PLXNA4: variants seen among roughly 807,000 people sequenced by gnomAD.
The protein encoded by PLXNA4 is plexin-A4.
PLXNA4 carries 44 observed loss-of-function variants against 191.8 expected under a neutral mutation model. The observed-to-expected ratio is 0.23, with a 90% confidence interval of 0.18 to 0.29. The LOEUF (loss-of-function observed/expected upper bound fraction) is 0.29, where lower values mean the gene tolerates loss of function less well. Ranked by LOEUF, PLXNA4 falls within the 10% of genes least tolerant of loss-of-function variation. The pLI, the probability that PLXNA4 is intolerant of heterozygous loss-of-function variation, is 1.00. For synonymous variants in PLXNA4, 1,082 were observed against 1,009.5 expected, an observed-to-expected ratio of 1.07 and a Z score of -1.36; for missense variants, 1,800 against 2,488.8, an observed-to-expected ratio of 0.72 and a Z score of 5.89.
At chr7:132,256,927 A>T (rs181805063) in intron 4 of PLXNA4, among the ~76,000 whole-genome samples, 3 of 152,330 alleles carry the variant, frequency 2.0e-5, no homozygotes, top group Admixed American at 2.0e-4. Flanking sequence ...ACAGCTGTAC[A>T]TGGCTTCCCC....
At chr7:132,588,366 A>C (rs1802540516) in intron 2 of PLXNA4, among the ~76,000 whole-genome samples, 1 of 152,048 alleles carries the variant, frequency 6.6e-6, no homozygotes, top group South Asian at 2.1e-4. Context: ...TCTGTGAAAG[A>C]ATGTGTGCTG....
At chr7:132,482,298 GC>G (rs1797371890) in intron 3 of PLXNA4, among the ~76,000 whole-genome samples, 1 of 152,130 alleles carries the variant, frequency 6.6e-6, no homozygotes. Context: ...CCTCTTTCTC[GC>G]CCCCATCTCT....
chr7:132,642,552 G>A (rs1450889202), intron 2 of PLXNA4, among the ~76,000 whole-genome samples: 1 of 151,980 alleles, frequency 6.6e-6, no homozygotes, highest in Non-Finnish European at 1.5e-5. Context: ...AAACTAGGGA[G>A]GAGGCAGACA....
Position 132,508,541 on chromosome 7 carries a change from G to C in PLXNA4, c.153C>G (p.Phe51Leu). 6.2e-7 allele frequency: 1 copy of C among 1,614,200 alleles called. No homozygotes were observed. Among genetic ancestry groups the C allele is most frequent in the Non-Finnish European group, 8.5e-7 (1 of 1,180,030 alleles). ...VTFRGEPAEG[F>L]NHLVVDERTG... Reference sequence around the variant, plus strand: ...TCCTCTCATCCACCACCAGGTGATTGAAACCCTCGGCGGGCTCTCCTCGGA... The same window carrying C: ...TCCTCTCATCCACCACCAGGTGATTCAAACCCTCGGCGGGCTCTCCTCGGA... The change falls in exon 2 of 32, where the codon TTC (phenylalanine) becomes TTG (leucine). Residue 51 changes from phenylalanine to leucine, a missense_variant. Phe to Leu is a conservative substitution (Grantham distance 22, BLOSUM62 0). Around this residue, in one of 6 missense-constraint regions of PLXNA4, gnomAD observed 1,397 missense variants for 1,880.4 expected, o/e 0.74. Coordinates refer to ENST00000321063, the MANE Select transcript of PLXNA4 (RefSeq NM_020911.2). This position sits in a 1 kb window ranked among gnomAD's most constrained non-coding sequence, Gnocchi z 4.4.
chr7:132,224,619 A>G (rs1584867794), intron 8 of PLXNA4, among the ~76,000 whole-genome samples: 1 of 152,166 alleles, frequency 6.6e-6, no homozygotes, highest in Non-Finnish European at 1.5e-5. Context: ...TTATGGGCTT[A>G]ATGAAAGCTT....
intron 2 of PLXNA4, among the ~76,000 whole-genome samples, chr7:132,641,071 T>C (rs539646831): frequency 6.6e-6 from 1 of 152,356 alleles, no homozygotes; most frequent in African/African-American, 2.4e-5. Context: ...CAAGACTTTC[T>C]TCCAAGTTCT....
At chr7:132,394,821 T>A (rs1793681205) in intron 3 of PLXNA4, among the ~76,000 whole-genome samples, 1 of 152,204 alleles carries the variant, frequency 6.6e-6, no homozygotes, top group South Asian at 2.1e-4. Context: ...GCATGTGCAG[T>A]CCTGCTCTGA....
chr7:132,188,596 G>A (rs2116783368), intron 14 of PLXNA4, among the ~76,000 whole-genome samples: 1 of 152,234 alleles, frequency 6.6e-6, no homozygotes, highest in Non-Finnish European at 1.5e-5. Flanking sequence ...GAGACACGCA[G>A]ACCACAGCTC....
intron 4 of PLXNA4, among the ~76,000 whole-genome samples, chr7:132,242,004 C>A (rs752789063): frequency 3.0e-4 from 46 of 152,156 alleles, no homozygotes; most frequent in Admixed American, 1.4e-3. Context: ...TGTAGCTTTG[C>A]CTTGATGTCT....
chr7:132,370,107 C>T (rs1222862544), intron 3 of PLXNA4, among the ~76,000 whole-genome samples: 2 of 151,234 alleles, frequency 1.3e-5, no homozygotes, highest in Non-Finnish European at 2.9e-5. Context: ...TGGTCCCTGA[C>T]AGCAGGTTTG....
intron 1 of PLXNA4, among the ~76,000 whole-genome samples, chr7:132,542,514 C>T (rs1359054148): frequency 2.6e-5 from 4 of 152,228 alleles, no homozygotes; most frequent in Non-Finnish European, 5.9e-5. Flanking sequence ...TTAGAGTTTA[C>T]AGACCTTCTT....
intron 3 of PLXNA4, among the ~76,000 whole-genome samples, chr7:132,366,877 T>A (rs1804208945): frequency 6.6e-6 from 1 of 152,174 alleles, no homozygotes; most frequent in African/African-American, 2.4e-5. Context: ...TCCTCCCACC[T>A]CAGCCTCCTG....
intron 1 of PLXNA4, among the ~76,000 whole-genome samples, chr7:132,562,759 C>T (rs2116673154): frequency 7.7e-6 from 1 of 130,604 alleles, no homozygotes; most frequent in African/African-American, 3.2e-5. Flanking sequence ...TTCTCCTCCT[C>T]CTCCTTCTCC....
chr7:132,208,873 G>C lies in PLXNA4; in HGVS notation c.2298+2070C>G, dbSNP rs574575091. Among the ~76,000 whole-genome samples, 12 of 152,336 alleles carry C rather than the reference G, an allele frequency of 7.9e-5. No individual in the cohort carries two copies. In the East Asian group the frequency reaches 2.1e-3, roughly 27 times the overall value. ...GCACCCACCTGCCTGGTGCTGCGGA[G>C]ACCCTGTTTGTGCTCTTGTTCCCAG... is the stretch of plus-strand genomic sequence containing the variant. On this transcript the variant is annotated intron_variant, in intron 10 of 31. Transcript: ENST00000321063.
At chr7:132,639,053 C>T (rs12707051) in intron 2 of PLXNA4, among the ~76,000 whole-genome samples, 2,761 of 152,282 alleles carry the variant, frequency 0.018, 49 homozygotes, top group Middle Eastern at 0.034. Flanking sequence ...CCCAGAGCAG[C>T]AACTCTGCAG....
chr7:132,378,506 T>C (rs1263724306), intron 3 of PLXNA4, among the ~76,000 whole-genome samples: 1 of 152,158 alleles, frequency 6.6e-6, no homozygotes, highest in Non-Finnish European at 1.5e-5. Context: ...TAGCATGTCA[T>C]AGTTCTGAGG....
At position 132,124,781 on chromosome 7, in the gene PLXNA4, C is replaced by G. The variant is rs753671738; in HGVS notation, c.*5698G>C. The G allele has an allele frequency of 6.6e-6, 1 of 152,208 alleles. No homozygotes were observed. Among genetic ancestry groups the G allele is most frequent in the Non-Finnish European group, 1.5e-5 (1 of 68,042 alleles). 9.4% of individuals were successfully genotyped at this position (152,208 alleles called of 1,614,324 possible). On this transcript the variant is annotated 3_prime_UTR_variant, in exon 32 of 32. Transcript: ENST00000321063. ...TGGAATAAAGTGAGGCTCCCGCAAC[C>G]CAGGATTTTCAGCCTACCTGAATCA...
chr7:132,323,488 G>A (rs536987917), intron 3 of PLXNA4, among the ~76,000 whole-genome samples: 1 of 152,238 alleles, frequency 6.6e-6, no homozygotes, highest in South Asian at 2.1e-4. Flanking sequence ...CCCAACCCAG[G>A]AGGCCTGACC....
chr7:132,513,423 G>A (rs1180060220), intron 1 of PLXNA4, among the ~76,000 whole-genome samples: 2 of 152,208 alleles, frequency 1.3e-5, no homozygotes, highest in Non-Finnish European at 2.9e-5. Context: ...GGCATGAACA[G>A]GTACAGCTCT....
Sources: allele counts gnomAD v4.1 joint callset (sites outside exome capture counted in the v4.1 genomes callset), GRCh38; gene constraint gnomAD v4.1.1; regional missense constraint gnomAD v4.1.1; non-coding constraint Gnocchi (gnomAD v3.1); transcripts MANE v1.5; gene names NCBI Gene and HGNC (gene_info 2026-07-23, HGNC 2026-07-21).